DCP1A: variants seen among roughly 807,000 people sequenced by gnomAD.
The protein encoded by DCP1A is decapping mRNA 1A, also known as mRNA-decapping enzyme 1A.
In DCP1A, 20 loss-of-function variants were observed where a neutral mutation model predicts 58.0. The observed-to-expected ratio is 0.34, with a 90% CI of 0.24 to 0.50. DCP1A has a LOEUF of 0.50. Ranked by LOEUF, DCP1A falls within the 20% of genes least tolerant of loss-of-function variation. The pLI is 0.98. For missense variants in DCP1A, 613 were observed against 712.2 expected, an observed-to-expected ratio of 0.86 and a Z score of 1.59; for synonymous variants, 285 against 275.1, an observed-to-expected ratio of 1.04 and a Z score of -0.36.
intron 3 of DCP1A, among the ~76,000 whole-genome samples, chr3:53,334,419 C>G (rs1486360019): frequency 2.0e-5 from 3 of 151,946 alleles, no homozygotes; most frequent in African/African-American, 7.3e-5. Flanking sequence ...TTATTTTGGG[C>G]TTTCTTTTTC....
chr3:53,327,201 C>G (rs1459390275), intron 3 of DCP1A, among the ~76,000 whole-genome samples: 2 of 152,162 alleles, frequency 1.3e-5, no homozygotes, highest in Admixed American at 6.5e-5. Context: ...CTTTCCCTAA[C>G]TTCTACTCTC....
intron 4 of DCP1A, among the ~76,000 whole-genome samples, chr3:53,317,654 T>G (rs577430213): frequency 6.6e-6 from 1 of 152,302 alleles, no homozygotes; most frequent in South Asian, 2.1e-4. Context: ...AGTTTGAGAC[T>G]AGCCTGGGCA....
At position 53,284,094 on chromosome 3, in the gene DCP1A, T is replaced by C. The variant is rs1051347869; in HGVS notation, c.*3486A>G. 3.3e-5 allele frequency: 5 copies of C among 152,182 alleles called. No homozygotes were observed. The highest frequency in any genetic ancestry group is 1.2e-4 in the African/African-American group (5 of 41,434). The allele number at this position is 152,182 out of a possible 1,614,324, so 9.4% of individuals were successfully genotyped here. On this transcript the variant is annotated 3_prime_UTR_variant, in exon 10 of 10. Coordinates refer to ENST00000610213, the MANE Select transcript of DCP1A (RefSeq NM_018403.7). ...TGAAGGGAGGCAAGAAAGAAAAACATACTCTGCAGCAAACGTGCAGCCAGG... is the reference window on the plus strand; with the variant it reads ...TGAAGGGAGGCAAGAAAGAAAAACACACTCTGCAGCAAACGTGCAGCCAGG...
At chr3:53,289,015 G>A (rs113224650) in intron 8 of DCP1A, among the ~76,000 whole-genome samples, 28 of 149,958 alleles carry the variant, frequency 1.9e-4, no homozygotes, top group Admixed American at 1.3e-3. Context: ...ACTCCATCTC[G>A]TCTTTTTTTT....
At chr3:53,326,001 G>A (rs1249493408) in intron 3 of DCP1A, among the ~76,000 whole-genome samples, 2 of 152,122 alleles carry the variant, frequency 1.3e-5, no homozygotes, top group Non-Finnish European at 2.9e-5. Context: ...GGTAGAGAAA[G>A]AGTCCAACTT....
At chr3:53,294,576 A>T (rs1483136142) in intron 6 of DCP1A, among the ~76,000 whole-genome samples, 4 of 152,222 alleles carry the variant, frequency 2.6e-5, no homozygotes, top group Non-Finnish European at 5.9e-5. Context: ...AAACACAAAG[A>T]TGGTAATACA....
At chr3:53,293,565 A>G (rs1184093724) in intron 6 of DCP1A, among the ~76,000 whole-genome samples, 1 of 152,154 alleles carries the variant, frequency 6.6e-6, no homozygotes. Flanking sequence ...CAGAGCTTAC[A>G]TTTTAGTGGG....
chr3:53,287,336 C>T lies in DCP1A; in HGVS notation c.*244G>A, dbSNP rs1411237687. ...CACCCACATAACTTAACACAATGAT[C>T]GCTCTCTTTTTTTTTTTTTTTTTTT... is the stretch of plus-strand genomic sequence containing the variant. On this transcript the variant is annotated 3_prime_UTR_variant, in exon 10 of 10. Coordinates refer to ENST00000610213, the MANE Select transcript of DCP1A (RefSeq NM_018403.7). 3 of 403,764 alleles carry T rather than the reference C, an allele frequency of 7.4e-6. No individual in the cohort carries two copies. Among genetic ancestry groups the T allele is most frequent in the African/African-American group, 2.2e-5 (1 of 45,212 alleles). The allele number at this position is 403,764 out of a possible 1,614,324, so 25.0% of individuals were successfully genotyped here. A position where few individuals can be genotyped will look rare whatever the true frequency, so the allele number is the denominator to read the frequency against.
At position 53,310,987 on chromosome 3, in the gene DCP1A, C is replaced by T. The variant is rs117114849; in HGVS notation, c.510+1254G>A. Among the ~76,000 whole-genome samples the T allele has an allele frequency of 1.2e-4, 18 of 152,316 alleles. No homozygotes were observed. In the East Asian group the frequency reaches 2.9e-3, roughly 24 times the overall value. ...TAAAGGGCAGTATGCAAAAAATGGT[C>T]CTGCAGTCAAGTCAATCTGGGAATT... On this transcript the variant is annotated intron_variant, in intron 5 of 9. Transcript: ENST00000610213.
chr3:53,312,288 T>C lies in DCP1A; in HGVS notation c.463A>G (p.Ile155Val), dbSNP rs1250537381. 8.1e-6 allele frequency: 13 copies of C among 1,613,210 alleles called. No homozygotes were observed. Among genetic ancestry groups the C allele is most frequent in the East Asian group, 4.5e-5 (2 of 44,854 alleles). Residue 155 changes from isoleucine to valine, a missense_variant, in exon 5 of 10, where the codon ATC becomes GTC. By Grantham distance (29) the Ile-to-Val change is conservative (BLOSUM62 3). This residue lies in a region of DCP1A where 498 missense variants were observed against 556.7 expected (regional missense o/e 0.89). Transcript: ENST00000610213. ...CTGCTCAGCATCTCCAGGATGTCGATGGGCCTGTGGTCGCTGCAGCCATTG... is the reference window on the plus strand; with the variant it reads ...CTGCTCAGCATCTCCAGGATGTCGACGGGCCTGTGGTCGCTGCAGCCATTG... The part of the protein sequence containing the change: ...QANGCSDHRP[I>V]DILEMLSRAK...
chr3:53,340,072 T>C (rs1169425527), intron 3 of DCP1A, among the ~76,000 whole-genome samples: 3 of 152,094 alleles, frequency 2.0e-5, no homozygotes, highest in Admixed American at 6.6e-5. Context: ...TACAAGTGTG[T>C]GACACCACAC....
intron 3 of DCP1A, among the ~76,000 whole-genome samples, chr3:53,340,191 G>A (rs567835969): frequency 7.2e-5 from 11 of 152,242 alleles, no homozygotes; most frequent in African/African-American, 2.4e-4. Flanking sequence ...TCCCAAAATC[G>A]TGGGATTGCA....
intron 6 of DCP1A, among the ~76,000 whole-genome samples, chr3:53,303,428 A>G (rs1354091158): frequency 6.6e-6 from 1 of 151,364 alleles, no homozygotes; most frequent in African/African-American, 2.4e-5. Context: ...CACCACACCC[A>G]GCTAATTTTT....
chr3:53,310,047 T>C (rs988652041), intron 5 of DCP1A, among the ~76,000 whole-genome samples: 3 of 152,180 alleles, frequency 2.0e-5, no homozygotes, highest in South Asian at 2.1e-4. Context: ...GATGAGATGA[T>C]AGACAAATGC....
chr3:53,324,598 T>C (rs1708060129), intron 3 of DCP1A, among the ~76,000 whole-genome samples: 2 of 152,244 alleles, frequency 1.3e-5, no homozygotes, highest in African/African-American at 4.8e-5. Context: ...CTATGGCAAA[T>C]GATGGCACAC....
chr3:53,288,431 A>G (rs1017745920), intron 8 of DCP1A, 148 bp from the exon 9 acceptor site: 2 of 620,906 alleles, frequency 3.2e-6, no homozygotes, highest in Admixed American at 2.9e-5. Flanking sequence ...TTCAGTAGGA[A>G]CATGTGAACA....
At chr3:53,330,400 A>G (rs2088966005) in intron 3 of DCP1A, among the ~76,000 whole-genome samples, 1 of 152,084 alleles carries the variant, frequency 6.6e-6, no homozygotes, top group Non-Finnish European at 1.5e-5. Context: ...TCTCTATTTA[A>G]AAGAAAAAAA....
At chr3:53,325,680 C>T (rs188247091) in intron 3 of DCP1A, among the ~76,000 whole-genome samples, 41 of 152,242 alleles carry the variant, frequency 2.7e-4, no homozygotes, top group Non-Finnish European at 5.0e-4. Flanking sequence ...TCTGCCTCAG[C>T]AGATCATTTC....
intron 1 of DCP1A, 134 bp downstream of exon 1, chr3:53,347,249 T>C: frequency 8.8e-7 from 1 of 1,138,174 alleles, no homozygotes; most frequent in Non-Finnish European, 1.2e-6. Flanking sequence ...CTGGCTAGGC[T>C]CTTGGCCAGA....
Sources: allele counts gnomAD v4.1 joint callset (sites outside exome capture counted in the v4.1 genomes callset), GRCh38; gene constraint gnomAD v4.1.1; regional missense constraint gnomAD v4.1.1; transcripts MANE v1.5; gene names NCBI Gene and HGNC (gene_info 2026-07-23, HGNC 2026-07-21).